The following STXBP2 variants were observed in gnomAD, a reference collection of about 807,000 sequenced individuals.
STXBP2 encodes syntaxin-binding protein 2.
In STXBP2, 47 loss-of-function variants were observed where a neutral mutation model predicts 72.2. The observed-to-expected ratio is 0.65, with a 90% CI of 0.51 to 0.83. The LOEUF (loss-of-function observed/expected upper bound fraction) is 0.83, where lower values mean the gene tolerates loss of function less well. STXBP2 is among the 40% of genes least tolerant of loss of function. The probability of loss-of-function intolerance (pLI) is 0.00; values close to 1 mark genes in which losing one functional copy is unlikely to be tolerated. For missense variants in STXBP2, 702 were observed against 807.6 expected (o/e 0.87, Z 1.58); for synonymous variants, 367 against 338.7 (o/e 1.08, Z -0.92).
chr19:7,631,402 G>T, the STXBP2 span: 43 of 1,110,894 alleles, frequency 3.9e-5, 2 homozygotes, highest in South Asian at 3.1e-4. Context: ...AGGTGGGCGG[G>T]GGGGGGTGGT....
At position 7,642,347 on chromosome 19, in the gene STXBP2, G is replaced by A; in HGVS notation, c.794+14G>A. 6.2e-7 allele frequency: 1 copy of A among 1,613,792 alleles called. No individual in the cohort carries two copies. Among genetic ancestry groups the A allele is most frequent in the Non-Finnish European group, 8.5e-7 (1 of 1,179,736 alleles). ...GGACACATACAGGTCTGCAGACTTGGAACCCGTCCCCACCCTTGCCACTGA... is the reference window on the plus strand; with the variant it reads ...GGACACATACAGGTCTGCAGACTTGAAACCCGTCCCCACCCTTGCCACTGA... On this transcript the variant is annotated intron_variant, in intron 9 of 18. Transcript: ENST00000221283. The surrounding 1 kb of genome is among the most constrained non-coding windows in gnomAD (Gnocchi z 6.0).
Position 7,646,686 on chromosome 19 carries a change from G to A in STXBP2, c.1452+342G>A, listed in dbSNP as rs1245275660. 7 of 431,000 alleles carry A rather than the reference G, an allele frequency of 1.6e-5. No homozygotes were observed. In the Admixed American group the frequency reaches 2.6e-4, roughly 16 times the overall value. The allele number at this position is 431,000 out of a possible 1,614,324, so 26.7% of individuals were successfully genotyped here. The stretch of plus-strand genomic sequence containing the variant: ...AGCACCATCCAATGGCAATGGGCCT[G>A]GGGCGGCTTCCTGGCTTCCTCCTTG... On this transcript the variant is annotated intron_variant, in intron 16 of 18. Transcript: ENST00000221283.
chr19:7,644,778 A>C (rs750217681), intron 14 of STXBP2, 26 bp downstream of exon 14: 29 of 1,613,248 alleles, frequency 1.8e-5, no homozygotes, highest in Non-Finnish European at 2.3e-5. Context: ...AGGGAGTTGG[A>C]ACGTCCCCAT....
chr19:7,640,231 C>A, intron 4 of STXBP2: 1 of 445,194 alleles, frequency 2.2e-6, no homozygotes. Flanking sequence ...TCTGTGTGTG[C>A]GTCTGTGTGT....
rs775622193 is a variant in STXBP2 at position 7,642,444 on chromosome 19, G to T, written c.810G>T (p.Gly270=). 1 of 1,613,946 alleles carries T rather than the reference G, an allele frequency of 6.2e-7. No homozygotes were observed. Among genetic ancestry groups the T allele is most frequent in the South Asian group, 1.1e-5 (1 of 91,084 alleles). ...TCCTCCCCAGGTATGAGACCACCGG[G>T]CTGAGCGAGGCGCGGGAGAAGGCCG... The part of the protein sequence containing the change: ...EQDTYRYETT[G]LSEAREKAVL... Residue 270 remains glycine (G), a synonymous_variant, in exon 10 of 19, where the codon GGG becomes GGT. Transcript: ENST00000221283. This position sits in a 1 kb window ranked among gnomAD's most constrained non-coding sequence, Gnocchi z 6.0.
upstream of STXBP2, chr19:7,633,391 G>A (rs1014318355): frequency 2.1e-5 from 33 of 1,563,686 alleles, no homozygotes; most frequent in Admixed American, 9.5e-5. Context: ...GTGGGGTGGG[G>A]GCAGGGCCCT....
intron 3 of STXBP2, chr19:7,639,460 C>T (rs1156824158): frequency 5.2e-6 from 3 of 575,346 alleles, no homozygotes; most frequent in Non-Finnish European, 6.2e-6. Flanking sequence ...GTCCCAGTCA[C>T]TTTGCCATTG....
rs111268794 is a variant in STXBP2, at chr19:7,642,134, TG to T, written c.663+19del. 6.1e-4 allele frequency: 978 copies of T among 1,614,028 alleles called. 12 individuals carry two copies. The African/African-American group carries it at 0.011, about 18-fold the overall frequency. ...TCTGGGCGAGGTGAGGGGGCGTGCT[TG>T]GGAGGTGAGGGGCAGCCCCAACCGG... On this transcript the variant is annotated intron_variant, in intron 8 of 18. Transcript: ENST00000221283. This position sits in a 1 kb window ranked among gnomAD's most constrained non-coding sequence, Gnocchi z 6.0.
chr19:7,641,555 T>C, intron 6 of STXBP2, 150 bp from the exon 7 acceptor site: 1 of 1,078,042 alleles, frequency 9.3e-7, no homozygotes, highest in Non-Finnish European at 1.4e-6. Context: ...GGCATGGGTT[T>C]AGGGTTGACC....
At chr19:7,638,598 C>T (rs2031660209) in intron 1 of STXBP2, 128 bp from the exon 2 acceptor site, 2 of 989,214 alleles carry the variant, frequency 2.0e-6, no homozygotes, top group African/African-American at 3.3e-5. Context: ...TGAGATCCTC[C>T]TCTCTTAAAA....
rs1217833050 is a variant in STXBP2 at position 7,647,451 on chromosome 19, G to A, written c.1636G>A (p.Glu546Lys). ...VYVMGGVAMSEMRAAYEVTRA... is the reference protein window; with the variant it reads ...VYVMGGVAMSKMRAAYEVTRA... ...TGTCATGGGCGGTGTGGCCATGTCA[G>A]AGATGAGGGCCGCCTACGAGGTGAC... The change falls in exon 18 of 19, where the codon GAG (glutamate) becomes AAG (lysine). Residue 546 changes from glutamate (E) to lysine (K), a missense_variant. Coordinates refer to ENST00000221283, the MANE Select transcript of STXBP2 (RefSeq NM_006949.4). 4 of 1,613,226 alleles carry A rather than the reference G, an allele frequency of 2.5e-6. No homozygotes were observed. Among genetic ancestry groups the A allele is most frequent in the Non-Finnish European group, 3.4e-6 (4 of 1,179,740 alleles).
intron 4 of STXBP2, chr19:7,640,304 ATGTG>A: frequency 2.0e-6 from 1 of 500,022 alleles, no homozygotes; most frequent in South Asian, 1.6e-5. Context: ...GTGTCTATGT[ATGTG>A]TGTGCATCTG....
chr19:7,641,860 A>AGGCCCC lies in STXBP2; in HGVS notation c.578+7_578+8insGGCCCC. Reference sequence around the variant, plus strand: ...CGGCCATCCGCTACCGCAAGTGGGGACCCCACCCAGCCCCACCCCGATGCC... The same window carrying AGGCCCC: ...CGGCCATCCGCTACCGCAAGTGGGGAGGCCCCCCCCACCCAGCCCCACCCCGATGCC... On this transcript the variant is annotated splice_region_variant and intron_variant, in intron 7 of 18. Coordinates refer to ENST00000221283, the MANE Select transcript of STXBP2 (RefSeq NM_006949.4). 1 of 1,549,046 alleles carries AGGCCCC rather than the reference A, an allele frequency of 6.5e-7. No homozygotes were observed. The highest frequency in any genetic ancestry group is 8.7e-7 in the Non-Finnish European group (1 of 1,146,686).
the STXBP2 span, chr19:7,631,695 G>A: frequency 6.9e-7 from 1 of 1,455,198 alleles, no homozygotes; most frequent in Non-Finnish European, 9.1e-7. Context: ...GCCCTCAGGG[G>A]GCTTGTGTCG....
intron 4 of STXBP2, chr19:7,640,229 TGC>T (rs1568464979): frequency 1.8e-6 from 1 of 546,858 alleles, no homozygotes; most frequent in South Asian, 1.5e-5. Context: ...CGTCTGTGTG[TGC>T]GTCTGTGTGT....
At chr19:7,632,533 C>T (rs2031362926), upstream of STXBP2, 2 of 1,612,064 alleles carry the variant, frequency 1.2e-6, no homozygotes, top group East Asian at 4.5e-5. The surrounding 1 kb of genome is among the most constrained non-coding windows in gnomAD (Gnocchi z 5.2). Context: ...TGGACGTTCA[C>T]AGACTTGGGA....
chr19:7,634,619 C>G (rs1159905176), upstream of STXBP2, among the ~76,000 whole-genome samples: 2 of 152,242 alleles, frequency 1.3e-5, no homozygotes, highest in African/African-American at 4.8e-5. Context: ...ATCCTCCTGC[C>G]TGGGCCTCCC....
Position 7,639,794 on chromosome 19 carries a change from G to T in STXBP2, c.233G>T (p.Ser78Ile), listed in dbSNP as rs1050758306. ...IPSLEAIYLLSPTEKSVQALI... is the reference protein window; with the variant it reads ...IPSLEAIYLLIPTEKSVQALI... ...AGTCTGGAGGCCATTTATTTGCTGA[G>T]CCCCACGGAGAAGGTGCCTACATGA... Residue 78 changes from serine to isoleucine, a missense_variant, in exon 4 of 19, where the codon AGC becomes ATC. Coordinates refer to ENST00000221283, the MANE Select transcript of STXBP2 (RefSeq NM_006949.4). 6.2e-7 allele frequency: 1 copy of T among 1,613,892 alleles called. No individual in the cohort carries two copies. The highest frequency in any genetic ancestry group is 1.7e-5 in the Admixed American group (1 of 60,018).
In STXBP2 at chr19:7,639,755, G is replaced by A. The variant is rs141717050; in HGVS notation, c.194G>A (p.Arg65Gln). The A allele has an allele frequency of 3.7e-5, 59 of 1,613,590 alleles. No individual in the cohort carries two copies. Among genetic ancestry groups the A allele is most frequent in the Non-Finnish European group, 4.5e-5 (53 of 1,179,976 alleles). ...ITIVEDINKR[R>Q]EPIPSLEAIY... is the part of the protein sequence containing the mutation. ...GTTGTTGAAGACATCAACAAACGGC[G>A]GGAACCCATTCCCAGTCTGGAGGCC... Residue 65 changes from arginine to glutamine, a missense_variant, in exon 4 of 19, where the codon CGG (arginine) becomes CAG (glutamine). Coordinates refer to ENST00000221283, the MANE Select transcript of STXBP2 (RefSeq NM_006949.4).
Sources: gnomAD v4.1 joint callset for allele counts (sites outside exome capture counted in the v4.1 genomes callset) on GRCh38, gnomAD v4.1.1 for gene constraint, Gnocchi (gnomAD v3.1) non-coding constraint, MANE v1.5 for transcripts, NCBI Gene and HGNC (gene_info 2026-07-23, HGNC 2026-07-21) for gene names.